Variants in WWOX observed in about 807,000 individuals in gnomAD.
WWOX encodes WW domain-containing oxidoreductase.
A neutral mutation model predicts 46.2 loss-of-function variants in WWOX; 69 were observed. The observed-to-expected ratio is 1.49, with a 90% confidence interval of 1.23 to 1.82. The LOEUF is 1.82. Ranked by LOEUF, WWOX falls within the 40% of genes most tolerant of loss-of-function variation. WWOX has a pLI of 0.00. For missense variants in WWOX, 919 were observed against 542.6 expected, an observed-to-expected ratio of 1.69 and a Z score of -6.89; for synonymous variants, 359 against 202.6, an observed-to-expected ratio of 1.77 and a Z score of -6.56.
chr16:78,760,636 G>A (rs2049768750), intron 8 of WWOX, among the ~76,000 whole-genome samples: 1 of 152,120 alleles, frequency 6.6e-6, no homozygotes, highest in Admixed American at 6.6e-5. Context: ...TGTCTTTGGA[G>A]CTCACAGCCA....
At chr16:78,441,031 C>A (rs1181714561) in intron 8 of WWOX, among the ~76,000 whole-genome samples, 2 of 152,208 alleles carry the variant, frequency 1.3e-5, no homozygotes, top group African/African-American at 4.8e-5. Flanking sequence ...CAGCCTCCGC[C>A]TCCCAGGTTC....
At chr16:78,330,776 T>C (rs983817027) in intron 5 of WWOX, among the ~76,000 whole-genome samples, 2 of 152,244 alleles carry the variant, frequency 1.3e-5, no homozygotes, top group African/African-American at 4.8e-5. Context: ...TCTCACTTCT[T>C]TCAGTCACCC....
intron 8 of WWOX, among the ~76,000 whole-genome samples, chr16:78,726,689 G>A (rs1258743223): frequency 6.8e-6 from 1 of 148,068 alleles, no homozygotes; most frequent in Non-Finnish European, 1.5e-5. Flanking sequence ...AAAGCCCTAG[G>A]GTTAGTTGGT....
intron 8 of WWOX, among the ~76,000 whole-genome samples, chr16:78,540,460 A>G (rs1255671199): frequency 6.6e-6 from 1 of 152,154 alleles, no homozygotes; most frequent in African/African-American, 2.4e-5. Flanking sequence ...GGGCATTACT[A>G]GTACTCAGGA....
intron 8 of WWOX, among the ~76,000 whole-genome samples, chr16:79,124,052 C>T (rs912157732): frequency 6.6e-6 from 1 of 152,126 alleles, no homozygotes; most frequent in Non-Finnish European, 1.5e-5. Context: ...ATTTCTTTGC[C>T]TCTTAAGTGT....
intron 8 of WWOX, among the ~76,000 whole-genome samples, chr16:78,991,530 A>C (rs1037199040): frequency 6.9e-6 from 1 of 145,042 alleles, no homozygotes; most frequent in African/African-American, 2.5e-5. Context: ...GAGCCTGGGA[A>C]TTTGAGGCTA....
rs2048691669 is a variant in WWOX, at chr16:79,077,979, C to A, written c.1057-133629C>A. 2.6e-5 allele frequency: 4 copies of A among 152,198 alleles called. No homozygotes were observed. The South Asian group carries it at 8.3e-4, about 32-fold the overall frequency. 9.4% of individuals were successfully genotyped at this position (152,198 alleles called of 1,614,324 possible). On this transcript the variant is annotated intron_variant, in intron 8 of 8. Coordinates refer to ENST00000566780, the MANE Select transcript of WWOX (RefSeq NM_016373.4). ...CCAGGAAACTCTGTTCCTACCTGCT[C>A]CTCTTGTGGCTACCTTGGGAGGTGC...
chr16:78,238,101 G>C (rs1031598588), intron 5 of WWOX: 1 of 152,220 alleles, frequency 6.6e-6, no homozygotes, highest in African/African-American at 2.4e-5. Context: ...CTGGGGATAA[G>C]GCTGCCTTCG....
chr16:79,065,879 A>G (rs185614419), intron 8 of WWOX, among the ~76,000 whole-genome samples: 3 of 152,320 alleles, frequency 2.0e-5, no homozygotes, highest in Admixed American at 6.5e-5. Context: ...TATGGTCACA[A>G]TTTCACAAAG....
At chr16:78,558,680 G>A (rs1448842619) in intron 8 of WWOX, among the ~76,000 whole-genome samples, 1 of 152,174 alleles carries the variant, frequency 6.6e-6, no homozygotes, top group African/African-American at 2.4e-5. Flanking sequence ...CCTGATTCCA[G>A]CCTCCAATTC....
At chr16:78,810,175 C>T (rs559016076) in intron 8 of WWOX, among the ~76,000 whole-genome samples, 145 of 152,284 alleles carry the variant, frequency 9.5e-4, no homozygotes, top group African/African-American at 3.1e-3. Flanking sequence ...TTCAGAGTGA[C>T]GGGTACCCCT....
At chr16:79,164,634 G>C (rs942474676) in intron 8 of WWOX, among the ~76,000 whole-genome samples, 1 of 152,194 alleles carries the variant, frequency 6.6e-6, no homozygotes, top group Non-Finnish European at 1.5e-5. Context: ...CTCTAACCTT[G>C]AAAGGGAAAG....
At chr16:78,217,399 A>G (rs1432775995) in intron 5 of WWOX, among the ~76,000 whole-genome samples, 1 of 152,192 alleles carries the variant, frequency 6.6e-6, no homozygotes, top group African/African-American at 2.4e-5. Context: ...AAAGATATAA[A>G]GTAGAAATAG....
At chr16:78,505,851 G>C (rs2085187918) in intron 8 of WWOX, among the ~76,000 whole-genome samples, 1 of 152,302 alleles carries the variant, frequency 6.6e-6, no homozygotes, top group Middle Eastern at 3.4e-3. Context: ...AGTGGGTGGA[G>C]AGGACTCCAG....
chr16:79,001,606 A>G (rs2047093808), intron 8 of WWOX, among the ~76,000 whole-genome samples: 1 of 152,146 alleles, frequency 6.6e-6, no homozygotes, highest in South Asian at 2.1e-4. Context: ...AGGTGCATGC[A>G]ATAAATCACT....
chr16:78,824,615 A>G (rs1408266985), intron 8 of WWOX, among the ~76,000 whole-genome samples: 1 of 152,148 alleles, frequency 6.6e-6, no homozygotes, highest in Non-Finnish European at 1.5e-5. Flanking sequence ...GCAGGAGGTG[A>G]AAGGCACTTC....
At chr16:78,779,194 G>C (rs1003974451) in intron 8 of WWOX, among the ~76,000 whole-genome samples, 6 of 152,160 alleles carry the variant, frequency 3.9e-5, no homozygotes, top group African/African-American at 9.7e-5. Context: ...TCCCAGGCTG[G>C]AGTGCAGTGG....
At chr16:78,463,260 G>A (rs1267768798) in intron 8 of WWOX, among the ~76,000 whole-genome samples, 3 of 152,168 alleles carry the variant, frequency 2.0e-5, no homozygotes. Flanking sequence ...GCATGTTGGA[G>A]GTGCCCTTGC....
chr16:78,879,643 C>T (rs557242637), intron 8 of WWOX, among the ~76,000 whole-genome samples: 14 of 152,026 alleles, frequency 9.2e-5, no homozygotes, highest in South Asian at 4.2e-4. Flanking sequence ...TTTGGGAGGC[C>T]GAGGCAGGCG....
Sources: allele counts gnomAD v4.1 joint callset (sites outside exome capture counted in the v4.1 genomes callset), GRCh38; gene constraint gnomAD v4.1.1; transcripts MANE v1.5; gene names NCBI Gene and HGNC (gene_info 2026-07-23, HGNC 2026-07-21).